Variants in BRWD1 observed in about 807,000 individuals in gnomAD.
The protein encoded by BRWD1 is bromodomain and WD repeat-containing protein 1.
BRWD1 carries 82 observed loss-of-function variants against 251.2 expected under a neutral mutation model. The ratio of observed to expected loss-of-function variants is 0.33; its 90% confidence interval spans 0.27 to 0.39. The LOEUF is 0.39. Among genes scored for constraint, BRWD1 ranks in the 10% least tolerant of loss-of-function variants. The pLI is 1.00. For synonymous variants in BRWD1, 918 were observed against 902.8 expected (o/e 1.02, Z -0.30); for missense variants, 2,233 against 2,711.6 (o/e 0.82, Z 3.92).
Position 39,194,567 on chromosome 21 carries a change from G to T in BRWD1, c.*1692C>A. On this transcript the variant is annotated 3_prime_UTR_variant, in exon 41 of 41. Coordinates refer to ENST00000342449, the MANE Select transcript of BRWD1 (RefSeq NM_033656.4). Reference sequence around the variant, plus strand: ...GAGAGGAGGTTTCCCACCTATCTCAGTTGATAATGTCCAAAAACATCCTTC... The same window carrying T: ...GAGAGGAGGTTTCCCACCTATCTCATTTGATAATGTCCAAAAACATCCTTC... 1 of 1,460,180 alleles carries T rather than the reference G, an allele frequency of 6.8e-7. No homozygotes were observed. Among genetic ancestry groups the T allele is most frequent in the Non-Finnish European group, 9.0e-7 (1 of 1,111,184 alleles). 90.5% of individuals were successfully genotyped at this position (1,460,180 alleles called of 1,614,324 possible). A position where few individuals can be genotyped will look rare whatever the true frequency, so the allele number is the denominator to read the frequency against.
chr21:39,285,551 G>C (rs186944059), intron 8 of BRWD1, among the ~76,000 whole-genome samples: 4 of 152,228 alleles, frequency 2.6e-5, no homozygotes, highest in Non-Finnish European at 4.4e-5. Context: ...CTTATACAAT[G>C]CATATATGCA....
At chr21:39,268,196 T>C (rs2038732481) in intron 15 of BRWD1, among the ~76,000 whole-genome samples, 2 of 152,136 alleles carry the variant, frequency 1.3e-5, no homozygotes, top group Admixed American at 6.5e-5. Flanking sequence ...AATAATTATA[T>C]TGGGAGGCCG....
At chr21:39,286,126 T>C (rs2035630737) in intron 8 of BRWD1, among the ~76,000 whole-genome samples, 1 of 149,394 alleles carries the variant, frequency 6.7e-6, no homozygotes, top group African/African-American at 2.5e-5. Flanking sequence ...GCCATTCTCC[T>C]GCCTCGGTCT....
chr21:39,291,179 T>G (rs982105369), intron 8 of BRWD1, among the ~76,000 whole-genome samples: 2 of 152,176 alleles, frequency 1.3e-5, no homozygotes, highest in African/African-American at 4.8e-5. Flanking sequence ...CTCACTCTCT[T>G]TTCTTTGAGA....
intron 18 of BRWD1, among the ~76,000 whole-genome samples, chr21:39,257,198 T>C (rs2034587062): frequency 8.5e-6 from 1 of 118,334 alleles, no homozygotes; most frequent in African/African-American, 3.3e-5. Context: ...AGTATGAAGC[T>C]ATTTAAAAAA....
chr21:39,187,232 A>G lies in BRWD1; in HGVS notation c.*9027T>C. The G allele has an allele frequency of 6.2e-7, 1 of 1,613,504 alleles. No individual in the cohort carries two copies. Among genetic ancestry groups the G allele is most frequent in the Non-Finnish European group, 8.5e-7 (1 of 1,179,802 alleles). ...CTAATCCAGACATTTTCTGGTCCTGAGATCGTTTCTTTTAGATTACTCATT... is the reference window on the plus strand; with the variant it reads ...CTAATCCAGACATTTTCTGGTCCTGGGATCGTTTCTTTTAGATTACTCATT... On this transcript the variant is annotated 3_prime_UTR_variant, in exon 41 of 41. Transcript: ENST00000342449.
Position 39,189,239 on chromosome 21 carries a change from G to A in BRWD1, c.*7020C>T, listed in dbSNP as rs1392729385. ...CTATTATCAACTAGCTGCACCATTT[G>A]CATTTGGAAGAAAAGAACAGATAAC... is the stretch of plus-strand genomic sequence containing the variant. On this transcript the variant is annotated 3_prime_UTR_variant, in exon 41 of 41. Transcript: ENST00000342449. 1.0e-6 allele frequency: 1 copy of A among 984,888 alleles called. No individual in the cohort carries two copies. The highest frequency in any genetic ancestry group is 6.2e-5 in the Admixed American group (1 of 16,258). The allele number at this position is 984,888 out of a possible 1,614,324, so 61.0% of individuals were successfully genotyped here. A position where few individuals can be genotyped will look rare whatever the true frequency, so the allele number is the denominator to read the frequency against.
chr21:39,212,582 T>C, intron 34 of BRWD1, 84 bp downstream of exon 34: 1 of 1,147,206 alleles, frequency 8.7e-7, no homozygotes, highest in Non-Finnish European at 1.3e-6. Flanking sequence ...GATATAACTT[T>C]TCAAAGACAA....
chr21:39,301,976 G>GTGTTTTTTTTT (rs2036129042), intron 4 of BRWD1, among the ~76,000 whole-genome samples: 1 of 105,942 alleles, frequency 9.4e-6, no homozygotes, highest in African/African-American at 3.6e-5. Flanking sequence ...AAAGCTTTGT[G>GTGTTTTTTTTT]TGTTTTTTTT....
Position 39,191,802 on chromosome 21 carries a change from T to G in BRWD1, c.*4457A>C, listed in dbSNP as rs1179515421. ...TCAGTTAGGTCAATTGGACTGCCTCTTCTCTTTGGCAGTCTAAAATCTCAT... is the reference window on the plus strand; with the variant it reads ...TCAGTTAGGTCAATTGGACTGCCTCGTCTCTTTGGCAGTCTAAAATCTCAT... On this transcript the variant is annotated 3_prime_UTR_variant, in exon 41 of 41. Transcript: ENST00000342449. The G allele has an allele frequency of 5.1e-6, 5 of 984,802 alleles. No individual in the cohort carries two copies. Among genetic ancestry groups the G allele is most frequent in the South Asian group, 4.7e-5 (1 of 21,278 alleles). The allele number at this position is 984,802 out of a possible 1,614,324, so 61.0% of individuals were successfully genotyped here.
At chr21:39,209,829 T>C (rs773599201) in intron 36 of BRWD1, 166 bp downstream of exon 36, 25 of 626,612 alleles carry the variant, frequency 4.0e-5, no homozygotes, top group Non-Finnish European at 5.9e-5. Context: ...ATATGAGCAG[T>C]AGCAGAAGCT....
chr21:39,198,657 GAA>G lies in BRWD1; in HGVS notation c.5653+104_5653+105del, dbSNP rs1403319345. The stretch of plus-strand genomic sequence containing the variant: ...ATGGGAGGGAGAGAAACAGCAAAGA[GAA>G]AAAAGTTTCAAGGGAAACTTTTTCG... On this transcript the variant is annotated intron_variant, in intron 40 of 40. Coordinates refer to ENST00000342449, the MANE Select transcript of BRWD1 (RefSeq NM_033656.4). 3.1e-6 allele frequency: 3 copies of G among 954,672 alleles called. No individual in the cohort carries two copies. The East Asian group carries it at 7.9e-5, about 25-fold the overall frequency. 59.1% of individuals were successfully genotyped at this position (954,672 alleles called of 1,614,324 possible). A position where few individuals can be genotyped will look rare whatever the true frequency, so the allele number is the denominator to read the frequency against.
chr21:39,215,428 C>A, intron 31 of BRWD1, 66 bp from the exon 32 acceptor site: 1 of 1,402,064 alleles, frequency 7.1e-7, no homozygotes, highest in Non-Finnish European at 9.9e-7. Flanking sequence ...TGAAAAAATG[C>A]AGCATGTGAA....
intron 4 of BRWD1, among the ~76,000 whole-genome samples, chr21:39,298,791 AT>A (rs888324182): frequency 3.5e-4 from 53 of 151,686 alleles, no homozygotes; most frequent in African/African-American, 1.1e-3. Context: ...CTTCAGCAAC[AT>A]TTTTTTTTGT....
At chr21:39,243,229 A>G (rs886251584) in intron 21 of BRWD1, among the ~76,000 whole-genome samples, 1 of 152,184 alleles carries the variant, frequency 6.6e-6, no homozygotes, top group Non-Finnish European at 1.5e-5. Context: ...GCATGACCCT[A>G]ATCATCAAAA....
At chr21:39,313,162 C>T in intron 2 of BRWD1, 61 bp from the exon 3 acceptor site, 1 of 1,495,444 alleles carries the variant, frequency 6.7e-7, no homozygotes, top group South Asian at 1.3e-5. Flanking sequence ...CCGTTTCACC[C>T]CCGCCCACCA....
chr21:39,198,642 G>T, intron 40 of BRWD1, 121 bp downstream of exon 40: 1 of 768,982 alleles, frequency 1.3e-6, no homozygotes, highest in Non-Finnish European at 2.1e-6. Context: ...ATGGGAGGGA[G>T]AGAAACAGCA....
rs191413157 is a variant in BRWD1 at position 39,261,545 on chromosome 21, G to A, written c.1886-2873C>T. On this transcript the variant is annotated intron_variant, in intron 17 of 40. Transcript: ENST00000342449. Reference sequence around the variant, plus strand: ...ATTTCTACCCACCCATGATCCATCAGTACAAATGTCAACACTGTAAAAAAA... The same window carrying A: ...ATTTCTACCCACCCATGATCCATCAATACAAATGTCAACACTGTAAAAAAA... Among the ~76,000 whole-genome samples, 708 of 152,244 alleles carry A rather than the reference G, an allele frequency of 4.7e-3. 11 individuals are homozygous for A. Among genetic ancestry groups the A allele is most frequent in the African/African-American group, 0.017 (689 of 41,538 alleles).
Position 39,189,746 on chromosome 21 carries a change from C to G in BRWD1, c.*6513G>C, listed in dbSNP as rs980732497. 1.4e-5 allele frequency: 14 copies of G among 982,340 alleles called. No homozygotes were observed. Among genetic ancestry groups the G allele is most frequent in the Non-Finnish European group, 1.7e-5 (14 of 827,346 alleles). The allele number at this position is 982,340 out of a possible 1,614,324, so 60.9% of individuals were successfully genotyped here. A position where few individuals can be genotyped will look rare whatever the true frequency, so the allele number is the denominator to read the frequency against. On this transcript the variant is annotated 3_prime_UTR_variant, in exon 41 of 41. Coordinates refer to ENST00000342449, the MANE Select transcript of BRWD1 (RefSeq NM_033656.4). ...TGAAAACTGAGTAAATTATAAAGTG[C>G]TTTTTCTCAAGAAAACTACAAACAG...
Sources: gnomAD v4.1 joint callset for allele counts (sites outside exome capture counted in the v4.1 genomes callset) on GRCh38, gnomAD v4.1.1 for gene constraint, MANE v1.5 for transcripts, NCBI Gene and HGNC (gene_info 2026-07-23, HGNC 2026-07-21) for gene names.